The following CLDN16 variants were observed in gnomAD, a reference collection of about 807,000 sequenced individuals.
CLDN16 encodes claudin 16, also known as claudin-16.
Under a neutral mutation model 24.6 loss-of-function variants are expected in CLDN16, and 13 were observed. The ratio of observed to expected loss-of-function variants is 0.53; its 90% CI spans 0.34 to 0.84. The LOEUF is 0.84. Among genes scored for constraint, CLDN16 ranks in the 40% least tolerant of loss-of-function variants. The probability of loss-of-function intolerance (pLI) is 0.01; values close to 1 mark genes in which losing one functional copy is unlikely to be tolerated. For synonymous variants in CLDN16, 116 were observed against 106.7 expected, an observed-to-expected ratio of 1.09 and a Z score of -0.54; for missense variants, 298 against 292.7, an observed-to-expected ratio of 1.02 and a Z score of -0.13.
At chr3:190,310,386 A>T in the CLDN16 span, 1 of 669,422 alleles carries the variant, frequency 1.5e-6, no homozygotes, top group Admixed American at 2.4e-5. Flanking sequence ...TTTTGGTATT[A>T]GGGAGATTAG....
At chr3:190,364,283 G>A (rs34913800) in intron 1 of CLDN16, among the ~76,000 whole-genome samples, 3,007 of 151,924 alleles carry the variant, frequency 0.02, 67 homozygotes, top group Middle Eastern at 0.044. Context: ...GGGAGATGTA[G>A]CAGTATTGCA....
the CLDN16 span, chr3:190,310,099 C>G: frequency 7.9e-7 from 1 of 1,269,160 alleles, no homozygotes; most frequent in Non-Finnish European, 1.2e-6. Context: ...ATGGCACTAG[C>G]AGGACTTTGT....
chr3:190,322,979 A>G (rs1716972815), intron 1 of CLDN16, among the ~76,000 whole-genome samples: 1 of 142,068 alleles, frequency 7.0e-6, no homozygotes, highest in Non-Finnish European at 1.5e-5. Context: ...AGATTGGGAA[A>G]CAGACCCAGA....
intron 1 of CLDN16, among the ~76,000 whole-genome samples, chr3:190,363,529 C>A: frequency 8.8e-6 from 1 of 113,422 alleles, no homozygotes; most frequent in Admixed American, 1.0e-4. Flanking sequence ...TTATTAAATT[C>A]CAGTTGCTGT....
chr3:190,349,055 C>A (rs1400696593), intron 1 of CLDN16, among the ~76,000 whole-genome samples: 1 of 152,142 alleles, frequency 6.6e-6, no homozygotes, highest in Non-Finnish European at 1.5e-5. Flanking sequence ...TTTTCTTTAT[C>A]CAGTCTGTCA....
chr3:190,326,882 G>A (rs1306974755), intron 1 of CLDN16, among the ~76,000 whole-genome samples: 1 of 152,152 alleles, frequency 6.6e-6, no homozygotes, highest in Non-Finnish European at 1.5e-5. Context: ...GTCATTTGGG[G>A]AAGATCCTTT....
At chr3:190,317,329 T>C in the CLDN16 span, among the ~76,000 whole-genome samples, 1 of 152,196 alleles carries the variant, frequency 6.6e-6, no homozygotes, top group South Asian at 2.1e-4. Flanking sequence ...AGGCAGTCTT[T>C]TAATTATATT....
the CLDN16 span, among the ~76,000 whole-genome samples, chr3:190,303,904 C>T: frequency 6.6e-6 from 1 of 152,022 alleles, no homozygotes; most frequent in Non-Finnish European, 1.5e-5. Flanking sequence ...CAAAAAAAAG[C>T]CCCAATCCTG....
At chr3:190,371,086 T>C (rs1718132194) in intron 2 of CLDN16, 1 of 15,420 alleles carries the variant, frequency 6.5e-5, no homozygotes, top group Non-Finnish European at 1.1e-4. Flanking sequence ...TATAAATGTA[T>C]AAATATATAG....
chr3:190,369,060 G>A (rs1718081470), intron 1 of CLDN16, among the ~76,000 whole-genome samples: 1 of 151,884 alleles, frequency 6.6e-6, no homozygotes, highest in African/African-American at 2.4e-5. Flanking sequence ...AACCTGATTA[G>A]CCCTCCTTTC....
intron 1 of CLDN16, among the ~76,000 whole-genome samples, chr3:190,346,920 A>C (rs1717563337): frequency 6.6e-6 from 1 of 152,118 alleles, no homozygotes. Flanking sequence ...ATCCAGTATT[A>C]CCTTATTACT....
At chr3:190,322,002 A>T, upstream of CLDN16, 1 of 1,614,162 alleles carries the variant, frequency 6.2e-7, no homozygotes, top group Non-Finnish European at 8.5e-7. Flanking sequence ...TTCAGCAAGG[A>T]GTCAAAGACT....
At chr3:190,386,408 A>G (rs185970520), upstream of CLDN16, among the ~76,000 whole-genome samples, 199 of 152,268 alleles carry the variant, frequency 1.3e-3, 1 homozygote, top group African/African-American at 4.5e-3. Flanking sequence ...AAAGACCCTC[A>G]GTGGATGTCA....
At chr3:190,298,541 C>T in the CLDN16 span, among the ~76,000 whole-genome samples, 3 of 151,238 alleles carry the variant, frequency 2.0e-5, no homozygotes, top group Non-Finnish European at 2.9e-5. Flanking sequence ...CGGCAACCTC[C>T]GCCTCCTGGG....
At chr3:190,317,840 A>G (rs867970130), upstream of CLDN16, among the ~76,000 whole-genome samples, 1 of 152,204 alleles carries the variant, frequency 6.6e-6, no homozygotes, top group Non-Finnish European at 1.5e-5. Flanking sequence ...TCCACCTATA[A>G]GTGGACACTT....
At chr3:190,395,119 A>T (rs1718783349) in intron 1 of CLDN16, among the ~76,000 whole-genome samples, 1 of 152,138 alleles carries the variant, frequency 6.6e-6, no homozygotes, top group Admixed American at 6.5e-5. Context: ...ATTTTAACGT[A>T]TGTAACCATT....
chr3:190,400,824 C>A (rs546542085), intron 1 of CLDN16, among the ~76,000 whole-genome samples: 1 of 152,050 alleles, frequency 6.6e-6, no homozygotes, highest in African/African-American at 2.4e-5. Flanking sequence ...GAATAAATGC[C>A]CAGTAGTGAG....
intron 1 of CLDN16, among the ~76,000 whole-genome samples, chr3:190,356,826 A>T (rs1527958): frequency 0.91 from 138,314 of 151,940 alleles, 62,991 homozygotes; most frequent in East Asian, 1. Context: ...AGATATCATA[A>T]TATTTAGGTT....
In CLDN16 at chr3:190,357,694, T is replaced by C. The variant is rs1006844656; in HGVS notation, n.122-13199T>C. The stretch of plus-strand genomic sequence containing the variant: ...ACTGTGTTTTTCCTCTTTCACAGGT[T>C]GGTGCTTTACTCGTGGTTTCCCATC... On this transcript the variant is annotated intron_variant and non_coding_transcript_variant, in intron 1 of 4. Coordinates refer to the CLDN16 transcript ENST00000468220. Among the ~76,000 whole-genome samples, 12 of 152,102 alleles carry C rather than the reference T, an allele frequency of 7.9e-5. No homozygotes were observed. The East Asian group carries it at 2.3e-3, about 30-fold the overall frequency.
Sources: allele counts gnomAD v4.1 joint callset (sites outside exome capture counted in the v4.1 genomes callset), GRCh38; gene constraint gnomAD v4.1.1; transcripts MANE v1.5; gene names NCBI Gene and HGNC (gene_info 2026-07-23, HGNC 2026-07-21).